DMD: variants seen among roughly 807,000 people sequenced by gnomAD.
DMD encodes the protein mutant dystrophin.
Under a neutral mutation model 330.1 loss-of-function variants are expected in DMD, and 63 were observed. That is an observed-to-expected ratio of 0.19 (90% CI 0.16 to 0.24). The LOEUF (loss-of-function observed/expected upper bound fraction) is 0.24. Ranked by LOEUF, DMD falls within the 10% of genes least tolerant of loss-of-function variation. The probability of loss-of-function intolerance (pLI) is 1.00; values close to 1 mark genes in which losing one functional copy is unlikely to be tolerated. For missense variants in DMD, 3,344 were observed against 2,684.1 expected, an observed-to-expected ratio of 1.25 and a Z score of -5.43; for synonymous variants, 1,223 against 959.8, an observed-to-expected ratio of 1.27 and a Z score of -5.07.
intron 1 of DMD, among the ~76,000 whole-genome samples, chrX:33,050,806 A>G (rs1330890827): frequency 8.9e-6 from 1 of 112,262 alleles, no homozygotes; most frequent in African/African-American, 3.2e-5. Context: ...AACAAGATAA[A>G]AATGTGTTTC....
At chrX:31,890,468 C>T (rs1603541892) in intron 47 of DMD, among the ~76,000 whole-genome samples, 2 of 111,223 alleles carry the variant, frequency 1.8e-5, no homozygotes, top group East Asian at 2.8e-4. Flanking sequence ...ATTTAAATAT[C>T]AGTTCCTTAG....
chrX:31,422,026 C>T (rs7890449), intron 60 of DMD, among the ~76,000 whole-genome samples: 4 of 5,424 alleles, frequency 7.4e-4, no homozygotes, highest in African/African-American at 1.8e-3. Context: ...TAAACACACA[C>T]ACATATATAT....
chrX:32,042,389 C>T (rs2096017809), intron 44 of DMD, among the ~76,000 whole-genome samples: 1 of 109,491 alleles, frequency 9.1e-6, no homozygotes, highest in South Asian at 3.9e-4. Flanking sequence ...ACCTCCTTTA[C>T]AAGGTGGCAA....
At chrX:32,084,636 A>G (rs1389596772) in intron 44 of DMD, among the ~76,000 whole-genome samples, 1 of 111,826 alleles carries the variant, frequency 8.9e-6, no homozygotes. Context: ...TATGAATATC[A>G]GTTGTTTGCA....
chrX:31,444,617 C>T lies in DMD; in HGVS notation c.8948G>A (p.Gly2983Glu), dbSNP rs1364568884. The part of the protein sequence containing the change: ...DHLEKVKALR[G>E]EIAPLKENVS... ...GTTCTCTTTCAGAGGCGCAATTTCT[C>T]CTCGAAGTGCCTGTGTGCAATAGTC... The change falls in exon 60 of 79, where the codon GGA (glycine) becomes GAA (glutamate). Residue 2983 changes from glycine (G) to glutamate (E), a missense_variant. By Grantham distance (98) the Gly-to-Glu change is moderately conservative. Transcript: ENST00000357033. The T allele has an allele frequency of 4.1e-6, 5 of 1,210,984 alleles. No homozygotes were observed. Among genetic ancestry groups the T allele is most frequent in the Non-Finnish European group, 5.6e-6 (5 of 895,301 alleles).
At chrX:31,451,836 A>T (rs1045631191) in intron 59 of DMD, among the ~76,000 whole-genome samples, 2 of 73,155 alleles carry the variant, frequency 2.7e-5, no homozygotes, top group East Asian at 5.6e-4. Flanking sequence ...AACGTACTTT[A>T]AAAAAAAAAA....
chrX:32,978,706 T>G (rs920633972), intron 2 of DMD, among the ~76,000 whole-genome samples: 8 of 112,460 alleles, frequency 7.1e-5, no homozygotes, highest in Non-Finnish European at 1.3e-4. Flanking sequence ...TGACCTCAAA[T>G]GATCCACCTG....
intron 51 of DMD, among the ~76,000 whole-genome samples, chrX:31,749,263 A>C (rs1310474486): frequency 1.9e-5 from 2 of 103,458 alleles, no homozygotes; most frequent in East Asian, 6.5e-4. Context: ...ATCTAGCATT[A>C]GGTATATCTC....
intron 63 of DMD, among the ~76,000 whole-genome samples, chrX:31,251,181 A>T (rs1322263658): frequency 9.3e-6 from 1 of 108,073 alleles, no homozygotes; most frequent in South Asian, 4.1e-4. Flanking sequence ...TTTTTTTCTA[A>T]GACAACGTCT....
At chrX:31,486,435 G>T (rs2068813661) in intron 57 of DMD, among the ~76,000 whole-genome samples, 1 of 112,543 alleles carries the variant, frequency 8.9e-6, no homozygotes, top group South Asian at 3.7e-4. Flanking sequence ...TCATGTTCCA[G>T]ATCCAAAGCT....
intron 52 of DMD, among the ~76,000 whole-genome samples, chrX:31,701,994 C>T (rs755174278): frequency 1.2e-4 from 13 of 112,599 alleles, no homozygotes; most frequent in Non-Finnish European, 2.4e-4. Flanking sequence ...TAGCAGTGAC[C>T]TTAAAGTTGC....
chrX:31,731,509 T>A (rs1402223744), intron 51 of DMD, among the ~76,000 whole-genome samples: 5 of 111,752 alleles, frequency 4.5e-5, no homozygotes, highest in Non-Finnish European at 9.4e-5. Flanking sequence ...TCAGATGAAG[T>A]CAAATTTTCA....
At position 32,472,285 on chromosome X, in the gene DMD, C is replaced by T. The variant is rs398123911; in HGVS notation, c.2828G>A (p.Arg943His). Reference sequence around the variant, plus strand: ...GATGGCACTCATGGTCTCCTGATAGCGCATTGGTGGCAAAGTGTCAAAAAC... The same window carrying T: ...GATGGCACTCATGGTCTCCTGATAGTGCATTGGTGGCAAAGTGTCAAAAAC... ...QTIFDTLPPM[R>H]YQETMSAIRT... The change falls in exon 22 of 79, where the codon CGC (arginine) becomes CAC (histidine). Residue 943 changes from arginine (R) to histidine (H), a missense_variant. Coordinates refer to ENST00000357033, the MANE Select transcript of DMD (RefSeq NM_004006.3). The T allele has an allele frequency of 3.7e-5, 45 of 1,208,496 alleles. No homozygotes were observed. In the South Asian group the frequency reaches 4.1e-4, roughly 11 times the overall value.
At chrX:33,076,967 G>C (rs776545225) in intron 1 of DMD, among the ~76,000 whole-genome samples, 10 of 111,021 alleles carry the variant, frequency 9.0e-5, no homozygotes, top group Non-Finnish European at 1.7e-4. Flanking sequence ...GTGCTGACTG[G>C]TCAGAGATGA....
At chrX:32,033,657 A>AAAG (rs1233145617) in intron 44 of DMD, among the ~76,000 whole-genome samples, 5 of 71,674 alleles carry the variant, frequency 7.0e-5, no homozygotes, top group Non-Finnish European at 1.0e-4. Flanking sequence ...AAGAAAGAAG[A>AAAG]AAGAAAGAAA....
In DMD at chrX:31,479,901, C is replaced by A. The variant is rs535130630; in HGVS notation, c.8548-798G>T. Among the ~76,000 whole-genome samples the A allele has an allele frequency of 2.7e-5, 3 of 111,801 alleles. No homozygotes were observed. In the East Asian group the frequency reaches 8.4e-4, roughly 31 times the overall value. ...TGAAAACAGTAAGTTCACACATAAT[C>A]GAGTGCTAAAAGGATCGTGAGGTAT... On this transcript the variant is annotated intron_variant, in intron 57 of 78. Coordinates refer to ENST00000357033, the MANE Select transcript of DMD (RefSeq NM_004006.3).
intron 44 of DMD, among the ~76,000 whole-genome samples, chrX:32,073,828 C>T (rs1001189302): frequency 9.0e-6 from 1 of 111,064 alleles, no homozygotes; most frequent in African/African-American, 3.3e-5. Context: ...AAGAGCATAG[C>T]GTTAAGTATA....
At chrX:31,215,059 AGACTCCCGAGTAGCTGGGACTACAGT>A (rs1373288560) in intron 64 of DMD, among the ~76,000 whole-genome samples, 1 of 97,433 alleles carries the variant, frequency 1.0e-5, no homozygotes, top group Non-Finnish European at 2.0e-5. Flanking sequence ...CTCCTGCCTC[AGACTCCCGAGTAGCTGGGACTACAGT>A]CGCTCGCCAT....
intron 17 of DMD, among the ~76,000 whole-genome samples, chrX:32,535,572 A>T (rs1191028622): frequency 9.0e-6 from 1 of 111,480 alleles, no homozygotes; most frequent in African/African-American, 3.3e-5. Flanking sequence ...CCAGCTTCTG[A>T]GCTCTGGTAA....
Sources: allele counts gnomAD v4.1 joint callset (sites outside exome capture counted in the v4.1 genomes callset), GRCh38; gene constraint gnomAD v4.1.1; transcripts MANE v1.5; gene names NCBI Gene and HGNC (gene_info 2026-07-23, HGNC 2026-07-21).